The following NCAM2 variants were observed in gnomAD, a reference collection of about 807,000 sequenced individuals.
NCAM2 encodes N-CAM-2.
In NCAM2, 30 loss-of-function variants were observed where a neutral mutation model predicts 98.1. The ratio of observed to expected loss-of-function variants is 0.31; its 90% confidence interval spans 0.23 to 0.41. NCAM2 has a LOEUF of 0.41. Ranked by LOEUF, NCAM2 falls within the 10% of genes least tolerant of loss-of-function variation. The pLI, the probability that NCAM2 is intolerant of heterozygous loss-of-function variation, is 1.00. For synonymous variants in NCAM2, 368 were observed against 342.4 expected, an observed-to-expected ratio of 1.07 and a Z score of -0.83; for missense variants, 867 against 1,005.8, an observed-to-expected ratio of 0.86 and a Z score of 1.87.
At chr21:21,316,513 T>G (rs2074224856) in intron 5 of NCAM2, among the ~76,000 whole-genome samples, 1 of 150,680 alleles carries the variant, frequency 6.6e-6, no homozygotes, top group Admixed American at 6.7e-5. Context: ...CTCCATCATC[T>G]TCCAATTTTA....
chr21:21,195,921 T>C (rs539892570), intron 1 of NCAM2, among the ~76,000 whole-genome samples: 3 of 152,344 alleles, frequency 2.0e-5, no homozygotes, highest in South Asian at 4.1e-4. Context: ...TATGTACTTA[T>C]AATGAGGATG....
intron 8 of NCAM2, among the ~76,000 whole-genome samples, chr21:21,371,529 G>A (rs2075914384): frequency 1.3e-5 from 2 of 151,684 alleles, no homozygotes; most frequent in African/African-American, 4.8e-5. Flanking sequence ...TGACCCCACT[G>A]TCTTCTGTGC....
At chr21:21,158,692 A>G (rs564337075) in intron 1 of NCAM2, among the ~76,000 whole-genome samples, 46 of 152,194 alleles carry the variant, frequency 3.0e-4, no homozygotes, top group African/African-American at 9.6e-4. Flanking sequence ...ACCTTAGCAT[A>G]TCGCATTACT....
intron 1 of NCAM2, among the ~76,000 whole-genome samples, chr21:21,122,455 C>A (rs1345457312): frequency 6.6e-6 from 1 of 152,134 alleles, no homozygotes; most frequent in Non-Finnish European, 1.5e-5. Flanking sequence ...TTGTGAATTT[C>A]CACAATAATG....
At chr21:21,045,239 C>T (rs1051702102) in intron 1 of NCAM2, among the ~76,000 whole-genome samples, 2 of 152,104 alleles carry the variant, frequency 1.3e-5, no homozygotes, top group African/African-American at 4.8e-5. Flanking sequence ...TCACTTCAGT[C>T]TGCTGTTAAA....
chr21:21,256,654 T>TA (rs1796019779), intron 1 of NCAM2, among the ~76,000 whole-genome samples: 1 of 152,150 alleles, frequency 6.6e-6, no homozygotes, highest in South Asian at 2.1e-4. Flanking sequence ...TGAATCCAGA[T>TA]ACTGAGATCA....
At chr21:21,505,017 A>G (rs1362209951) in intron 15 of NCAM2, among the ~76,000 whole-genome samples, 1 of 151,948 alleles carries the variant, frequency 6.6e-6, no homozygotes, top group Non-Finnish European at 1.5e-5. Flanking sequence ...TAAATACCTG[A>G]TCTTATTCTA....
intron 16 of NCAM2, among the ~76,000 whole-genome samples, chr21:21,522,272 AAT>A (rs1314600021): frequency 1.3e-5 from 2 of 148,540 alleles, no homozygotes; most frequent in Middle Eastern, 3.6e-3. Flanking sequence ...TTTATATATA[AAT>A]ATGATTATAT....
At chr21:21,299,711 G>A (rs2073639105) in intron 5 of NCAM2, among the ~76,000 whole-genome samples, 1 of 151,174 alleles carries the variant, frequency 6.6e-6, no homozygotes, top group Admixed American at 6.6e-5. Flanking sequence ...CTTATTGCAA[G>A]ATTTCTTCCC....
chr21:21,291,456 C>T (rs945330531), intron 4 of NCAM2, among the ~76,000 whole-genome samples: 1 of 151,428 alleles, frequency 6.6e-6, no homozygotes, highest in African/African-American at 2.4e-5. Flanking sequence ...TGTATACCAG[C>T]TTATTTTTTT....
chr21:21,537,219 G>A (rs892345020), intron 17 of NCAM2, among the ~76,000 whole-genome samples: 1 of 151,890 alleles, frequency 6.6e-6, no homozygotes, highest in Non-Finnish European at 1.5e-5. Flanking sequence ...TCTAATTTTT[G>A]TAATTTTAGT....
At position 21,015,767 on chromosome 21, in the gene NCAM2, G is replaced by A. The variant is rs370034346; in HGVS notation, c.55+17149G>A. Among the ~76,000 whole-genome samples the A allele has an allele frequency of 3.2e-4, 48 of 152,198 alleles. No individual in the cohort carries two copies. The Middle Eastern group carries it at 0.017, about 54-fold the overall frequency. ...CCCCCAGGCTGGAGCGCAATGGCACGATCTCGGCTCACTGCAACCTCCGCC... is the reference window on the plus strand; with the variant it reads ...CCCCCAGGCTGGAGCGCAATGGCACAATCTCGGCTCACTGCAACCTCCGCC... On this transcript the variant is annotated intron_variant, in intron 1 of 17. Transcript: ENST00000400546.
intron 9 of NCAM2, among the ~76,000 whole-genome samples, chr21:21,398,475 A>G (rs1275086206): frequency 6.6e-6 from 1 of 152,222 alleles, no homozygotes; most frequent in African/African-American, 2.4e-5. Context: ...AGCTAGTACA[A>G]AGCACCGAAA....
intron 1 of NCAM2, among the ~76,000 whole-genome samples, chr21:21,072,069 C>A (rs908202069): frequency 1.4e-4 from 22 of 151,968 alleles, no homozygotes; most frequent in Admixed American, 3.3e-4. Context: ...CCCGCCACCA[C>A]GCCTGGCTAA....
chr21:21,039,901 T>C (rs1311492666), intron 1 of NCAM2, among the ~76,000 whole-genome samples: 2 of 152,220 alleles, frequency 1.3e-5, no homozygotes, highest in Non-Finnish European at 2.9e-5. Flanking sequence ...AGAGTTATTA[T>C]ATTTCAAAAC....
chr21:21,276,931 T>A (rs7283396), intron 1 of NCAM2, among the ~76,000 whole-genome samples: 2,128 of 152,144 alleles, frequency 0.014, 49 homozygotes, highest in African/African-American at 0.049. Context: ...ATAAATAAAT[T>A]AATTAATTTC....
intron 9 of NCAM2, among the ~76,000 whole-genome samples, chr21:21,400,612 T>C (rs1216648819): frequency 2.0e-5 from 3 of 151,584 alleles, no homozygotes; most frequent in Non-Finnish European, 2.9e-5. Flanking sequence ...TTTTTTTTTT[T>C]TGAGATGGAG....
chr21:21,333,153 CTTTATTGGGAGGGAGTAATAAGGTA>C (rs1365993449), intron 6 of NCAM2, among the ~76,000 whole-genome samples: 1 of 152,106 alleles, frequency 6.6e-6, no homozygotes, highest in East Asian at 1.9e-4. Context: ...TTCTACCTGA[CTTTATTGGGAGGGAGTAATAAGGTA>C]TTTATTGGGA....
At chr21:21,216,038 A>G (rs1165224441) in intron 1 of NCAM2, among the ~76,000 whole-genome samples, 2 of 152,118 alleles carry the variant, frequency 1.3e-5, no homozygotes, top group Non-Finnish European at 2.9e-5. Context: ...TCTTTCAAAG[A>G]CCTGAGACAA....
Sources: allele counts gnomAD v4.1 joint callset (sites outside exome capture counted in the v4.1 genomes callset), GRCh38; gene constraint gnomAD v4.1.1; transcripts MANE v1.5; gene names NCBI Gene and HGNC (gene_info 2026-07-23, HGNC 2026-07-21).